The following STYK1 variants were observed in gnomAD, a reference collection of about 807,000 sequenced individuals.
STYK1 encodes tyrosine-protein kinase STYK1.
A neutral mutation model predicts 48.1 loss-of-function variants in STYK1; 46 were observed. The ratio of observed to expected loss-of-function variants is 0.96; its 90% confidence interval spans 0.75 to 1.22. The LOEUF (loss-of-function observed/expected upper bound fraction) is 1.22, where lower values mean the gene tolerates loss of function less well. Ranked by LOEUF, STYK1 falls within the 50% of genes most tolerant of loss-of-function variation. The pLI is 0.00. For missense variants in STYK1, 527 were observed against 521.1 expected, an observed-to-expected ratio of 1.01 and a Z score of -0.11; for synonymous variants, 188 against 189.0, an observed-to-expected ratio of 0.99 and a Z score of 0.04.
In STYK1 at chr12:10,672,444, C is replaced by T. The variant is rs966120550; in HGVS notation, c.-195+1522G>A. 1.3e-5 allele frequency among the ~76,000 whole-genome samples: 2 copies of T among 152,082 alleles called. No individual in the cohort carries two copies. Among genetic ancestry groups the T allele is most frequent in the African/African-American group, 2.4e-5 (1 of 41,404 alleles). On this transcript the variant is annotated intron_variant, in intron 1 of 10. Transcript: ENST00000075503. This position sits in a 1 kb window ranked among gnomAD's most constrained non-coding sequence, Gnocchi z 4.0. ...GTAGAGATGGGTTTCGCCAAGTTGC[C>T]CAGGCTGGTCTCAAACTCCTGAACT... is the stretch of plus-strand genomic sequence containing the variant.
At chr12:10,648,155 T>C (rs756302202) in intron 1 of STYK1, among the ~76,000 whole-genome samples, 1 of 152,198 alleles carries the variant, frequency 6.6e-6, no homozygotes, top group Non-Finnish European at 1.5e-5. Flanking sequence ...AGATAGATTA[T>C]TCATCAAATG....
intron 1 of STYK1, among the ~76,000 whole-genome samples, chr12:10,663,227 C>T (rs2120799568): frequency 6.6e-6 from 1 of 152,282 alleles, no homozygotes; most frequent in South Asian, 2.1e-4. Flanking sequence ...GATCCCCCTG[C>T]CTCAGCCTCC....
At chr12:10,662,884 C>T (rs7970568) in intron 1 of STYK1, among the ~76,000 whole-genome samples, 82,889 of 151,922 alleles carry the variant, frequency 0.55, 23,297 homozygotes, top group East Asian at 0.77. Flanking sequence ...ATTGCTAGTG[C>T]TTTTGACGTG....
At chr12:10,650,739 C>T (rs1947653731) in intron 1 of STYK1, among the ~76,000 whole-genome samples, 1 of 152,056 alleles carries the variant, frequency 6.6e-6, no homozygotes, top group Non-Finnish European at 1.5e-5. Context: ...AGTGGCTCAC[C>T]CCTGTAATTC....
chr12:10,620,785 T>C (rs1865895398), intron 10 of STYK1, among the ~76,000 whole-genome samples: 1 of 152,200 alleles, frequency 6.6e-6, no homozygotes, highest in Non-Finnish European at 1.5e-5. Context: ...CTCATCAAAA[T>C]GTTATGTTCT....
rs1354057145 is a variant in STYK1, at chr12:10,620,108, TATACTC to T, written c.*30_*35del. The T allele has an allele frequency of 1.2e-5, 19 of 1,609,794 alleles. No individual in the cohort carries two copies. Among genetic ancestry groups the T allele is most frequent in the Non-Finnish European group, 1.5e-5 (18 of 1,176,062 alleles). ...CTTAGAGGAATTGATTCCAAGAACA[TATACTC>T]ATGCATGAATGTTTCTTGCCCGAGA... On this transcript the variant is annotated 3_prime_UTR_variant, in exon 11 of 11. Coordinates refer to ENST00000075503, the MANE Select transcript of STYK1 (RefSeq NM_018423.3).
intron 1 of STYK1, among the ~76,000 whole-genome samples, chr12:10,651,659 C>T (rs576128223): frequency 2.6e-5 from 4 of 152,276 alleles, no homozygotes; most frequent in African/African-American, 9.6e-5. Flanking sequence ...TGTTGAACGA[C>T]CTCACCTTGT....
intron 1 of STYK1, among the ~76,000 whole-genome samples, chr12:10,667,649 A>G (rs1448462990): frequency 6.6e-6 from 1 of 152,096 alleles, no homozygotes; most frequent in Non-Finnish European, 1.5e-5. Context: ...AACAAAACAA[A>G]TTAACTGTTG....
At chr12:10,654,706 G>C (rs563763298) in intron 1 of STYK1, among the ~76,000 whole-genome samples, 2 of 152,276 alleles carry the variant, frequency 1.3e-5, no homozygotes, top group African/African-American at 4.8e-5. Flanking sequence ...AATTTAGAAA[G>C]GTTAGAGTCC....
intron 1 of STYK1, among the ~76,000 whole-genome samples, chr12:10,644,578 A>G (rs889983487): frequency 5.9e-5 from 9 of 152,234 alleles, no homozygotes; most frequent in African/African-American, 2.2e-4. Context: ...GGTGATAATA[A>G]ATACATACGA....
At chr12:10,659,358 G>T (rs1947751775) in intron 1 of STYK1, among the ~76,000 whole-genome samples, 1 of 152,148 alleles carries the variant, frequency 6.6e-6, no homozygotes, top group Non-Finnish European at 1.5e-5. Context: ...ATAGTTATTT[G>T]CATAATTGCA....
rs75266399 is a variant in STYK1 at position 10,668,945 on chromosome 12, G to C, written c.-195+5021C>G. Among the ~76,000 whole-genome samples, 878 of 152,228 alleles carry C rather than the reference G, an allele frequency of 5.8e-3. 12 individuals are homozygous for C. The highest frequency in any genetic ancestry group is 0.031 in the East Asian group (163 of 5,182). ...CAGTAGCCACATCTAAATTCAGAAA[G>C]CATGTTGGAGAACTAGAGACTGGCT... On this transcript the variant is annotated intron_variant, in intron 1 of 10. Coordinates refer to ENST00000075503, the MANE Select transcript of STYK1 (RefSeq NM_018423.3).
At chr12:10,630,912 A>G in intron 5 of STYK1, 133 bp downstream of exon 5, 1 of 1,186,312 alleles carries the variant, frequency 8.4e-7, no homozygotes, top group South Asian at 1.8e-5. Flanking sequence ...TTTCTGCCTC[A>G]AGTTTCCACT....
At chr12:10,641,394 C>T (rs1020128159) in intron 1 of STYK1, among the ~76,000 whole-genome samples, 2 of 152,118 alleles carry the variant, frequency 1.3e-5, no homozygotes, top group Admixed American at 6.5e-5. Flanking sequence ...ATTTTGGGTT[C>T]TCTAAAACTC....
intron 1 of STYK1, among the ~76,000 whole-genome samples, chr12:10,660,049 C>A (rs1947759511): frequency 6.6e-6 from 1 of 152,160 alleles, no homozygotes; most frequent in African/African-American, 2.4e-5. Context: ...TATTCTAATT[C>A]TGGGCAAGTA....
At chr12:10,628,525 A>G (rs1947385527) in intron 6 of STYK1, among the ~76,000 whole-genome samples, 7 of 152,240 alleles carry the variant, frequency 4.6e-5, no homozygotes, top group Admixed American at 4.6e-4. Flanking sequence ...TAAAATGCCT[A>G]AATACTTGCA....
chr12:10,668,112 C>T (rs946768258), intron 1 of STYK1, among the ~76,000 whole-genome samples: 1 of 151,960 alleles, frequency 6.6e-6, no homozygotes, highest in Non-Finnish European at 1.5e-5. Flanking sequence ...AGAAGTTCAA[C>T]AATAAAATAC....
intron 10 of STYK1, among the ~76,000 whole-genome samples, chr12:10,621,393 C>T (rs1196332405): frequency 6.6e-6 from 1 of 152,126 alleles, no homozygotes; most frequent in Non-Finnish European, 1.5e-5. Context: ...GTTGGAAAAA[C>T]AGGGAGACAG....
chr12:10,659,728 T>A (rs1001082736), intron 1 of STYK1, among the ~76,000 whole-genome samples: 4 of 152,210 alleles, frequency 2.6e-5, no homozygotes, highest in African/African-American at 9.7e-5. Flanking sequence ...AGAGCTAATT[T>A]AAAAAGAACC....
Sources: allele counts gnomAD v4.1 joint callset (sites outside exome capture counted in the v4.1 genomes callset), GRCh38; gene constraint gnomAD v4.1.1; non-coding constraint Gnocchi (gnomAD v3.1); transcripts MANE v1.5; gene names NCBI Gene and HGNC (gene_info 2026-07-23, HGNC 2026-07-21).